Variants in ZNF880 observed in about 807,000 individuals in gnomAD.
The protein encoded by ZNF880 is zinc finger protein 880.
Under a neutral mutation model 11.8 loss-of-function variants are expected in ZNF880, and 12 were observed. The ratio of observed to expected loss-of-function variants is 1.02; its 90% confidence interval spans 0.65 to 1.65. The LOEUF is 1.65. ZNF880 is among the 40% of genes most tolerant of loss of function. The probability of loss-of-function intolerance (pLI) is 0.00; values close to 1 mark genes in which losing one functional copy is unlikely to be tolerated. For missense variants in ZNF880, 601 were observed against 673.9 expected (o/e 0.89, Z 1.20); for synonymous variants, 210 against 232.4 (o/e 0.90, Z 0.88).
Position 52,384,219 on chromosome 19 carries a change from A to G in ZNF880, c.639A>G (p.Lys213=). 2 of 1,612,472 alleles carry G rather than the reference A, an allele frequency of 1.2e-6. No homozygotes were observed. Among genetic ancestry groups the G allele is most frequent in the East Asian group, 4.5e-5 (2 of 44,864 alleles). ...QVIHTADNPY[K]CNECDKVFSN... The stretch of plus-strand genomic sequence containing the variant: ...TCCACACTGCAGATAACCCTTACAA[A>G]TGTAATGAATGTGACAAGGTCTTCA... The change falls in exon 4 of 4, where the codon AAA becomes AAG. Residue 213 remains lysine (K), a synonymous_variant. Coordinates refer to ENST00000422689, the MANE Select transcript of ZNF880 (RefSeq NM_001145434.2).
intron 3 of ZNF880, chr19:52,379,956 T>C (rs1986663477): frequency 6.6e-6 from 1 of 152,094 alleles, no homozygotes; most frequent in South Asian, 2.1e-4. Flanking sequence ...TAGAGTGTGG[T>C]ATACAATCTC....
intron 1 of ZNF880, chr19:52,370,266 G>C (rs1399378468): frequency 8.7e-6 from 4 of 458,718 alleles, no homozygotes; most frequent in African/African-American, 5.9e-5. Flanking sequence ...CCCGCGCTGC[G>C]TAAAGTTCTC....
chr19:52,385,311 A>G lies in ZNF880; in HGVS notation c.1731A>G (p.Arg577=). The change falls in exon 4 of 4, where the codon AGA becomes AGG. Residue 577 remains arginine, a synonymous_variant. Coordinates refer to ENST00000422689, the MANE Select transcript of ZNF880 (RefSeq NM_001145434.2). ...TCCATACTGGAGAGAAACCGTACAG[A>G]TGAAATGTGTGTGGTAAGATCTTTA... is the stretch of plus-strand genomic sequence containing the variant. ...HRIHTGEKPY[R] is the part of the protein sequence containing the mutation. 6.4e-7 allele frequency: 1 copy of G among 1,551,386 alleles called. No individual in the cohort carries two copies. Among genetic ancestry groups the G allele is most frequent in the Non-Finnish European group, 8.7e-7 (1 of 1,146,660 alleles).
At chr19:52,383,615 C>T (rs1986764882) in intron 3 of ZNF880, among the ~76,000 whole-genome samples, 1 of 152,146 alleles carries the variant, frequency 6.6e-6, no homozygotes. Flanking sequence ...TTGTATTTTT[C>T]TGCTCATAAT....
At chr19:52,381,555 A>T (rs2122395073) in intron 3 of ZNF880, among the ~76,000 whole-genome samples, 1 of 152,320 alleles carries the variant, frequency 6.6e-6, no homozygotes, top group Non-Finnish European at 1.5e-5. Flanking sequence ...TCAGGCCAAC[A>T]TTACATGAAA....
chr19:52,393,851 T>TTG, the ZNF880 span, among the ~76,000 whole-genome samples: 4 of 147,540 alleles, frequency 2.7e-5, no homozygotes, highest in African/African-American at 9.9e-5. Flanking sequence ...TTTTTTTTTT[T>TTG]TTTGAGACGG....
chr19:52,393,408 TTTC>T, the ZNF880 span, among the ~76,000 whole-genome samples: 178 of 123,622 alleles, frequency 1.4e-3, no homozygotes, highest in African/African-American at 4.6e-3. Flanking sequence ...ATTTTCTTTC[TTTC>T]TTTTTTTTTT....
chr19:52,384,306 TCATGAATGTGG>T lies in ZNF880; in HGVS notation c.729_739del (p.His243GlnfsTer26). The T allele has an allele frequency of 6.2e-7, 1 of 1,613,872 alleles. No individual in the cohort carries two copies. The highest frequency in any genetic ancestry group is 8.5e-7 in the Non-Finnish European group (1 of 1,179,880). On this transcript the variant is annotated frameshift_variant, in exon 4 of 4. Transcript: ENST00000422689. LOFTEE classifies it low-confidence loss of function (END_TRUNC). The stretch of plus-strand genomic sequence containing the variant: ...ATACTGGAGAGAAGCCTTACAAGTG[TCATGAATGTGG>T]CAAGCTCTTCAATCGAATTTCACTC...
intron 3 of ZNF880, chr19:52,379,900 TTTTTA>T (rs1568663045): frequency 7.5e-6 from 1 of 132,626 alleles, no homozygotes; most frequent in Non-Finnish European, 1.7e-5. Context: ...CTTATTTTTT[TTTTTA>T]TTATTATTTT....
the ZNF880 span, among the ~76,000 whole-genome samples, chr19:52,395,234 T>A: frequency 7.2e-5 from 11 of 152,182 alleles, no homozygotes; most frequent in Admixed American, 5.2e-4. Context: ...TTCTTTTTCC[T>A]TTATTTCACT....
upstream of ZNF880, among the ~76,000 whole-genome samples, chr19:52,368,695 A>G (rs1261547892): frequency 2.6e-5 from 4 of 152,072 alleles, no homozygotes; most frequent in East Asian, 3.9e-4. Flanking sequence ...TATTTTTTGT[A>G]TGTATATATA....
chr19:52,369,814 C>A, upstream of ZNF880: 1 of 858,858 alleles, frequency 1.2e-6, no homozygotes. Context: ...GTCTCCACGG[C>A]AGGTCTAGCC....
Position 52,385,081 on chromosome 19 carries a change from T to G in ZNF880, c.1501T>G (p.Phe501Val), listed in dbSNP as rs771336968. Residue 501 changes from phenylalanine (F) to valine (V), a missense_variant, in exon 4 of 4, where the codon TTT becomes GTT. Coordinates refer to ENST00000422689, the MANE Select transcript of ZNF880 (RefSeq NM_001145434.2). ...CAAATGCAGTGAATGTCACAAAGTC[T>G]TTAGTCACAATTCACACCTTGCACG... is the stretch of plus-strand genomic sequence containing the variant. ...PYKCSECHKV[F>V]SHNSHLARHR... 1 of 1,560,888 alleles carries G rather than the reference T, an allele frequency of 6.4e-7. No homozygotes were observed. Among genetic ancestry groups the G allele is most frequent in the East Asian group, 2.4e-5 (1 of 41,796 alleles).
At chr19:52,379,383 G>T in intron 3 of ZNF880, 2 of 431,912 alleles carry the variant, frequency 4.6e-6, no homozygotes, top group Admixed American at 2.7e-5. Context: ...GTATAAATTG[G>T]GAATTTATTT....
Position 52,384,690 on chromosome 19 carries a change from T to G in ZNF880, c.1110T>G (p.His370Gln). 6.2e-7 allele frequency: 1 copy of G among 1,613,110 alleles called. No homozygotes were observed. Residue 370 changes from histidine (H) to glutamine (Q), a missense_variant, in exon 4 of 4, where the codon CAT becomes CAG. This residue lies in a region of ZNF880 where 420 missense variants were observed against 442.6 expected (regional missense o/e 0.95). Transcript: ENST00000422689. ...ATCGAAATGCACACCTTACCAGACATCAAAGAATCCATACTGGAGAGAAAC... is the reference window on the plus strand; with the variant it reads ...ATCGAAATGCACACCTTACCAGACAGCAAAGAATCCATACTGGAGAGAAAC... ...VFNRNAHLTRHQRIHTGEKPY... is the reference protein window; with the variant it reads ...VFNRNAHLTRQQRIHTGEKPY...
upstream of ZNF880, chr19:52,369,905 C>T (rs1600244724): frequency 3.2e-6 from 5 of 1,550,984 alleles, no homozygotes; most frequent in East Asian, 7.3e-5. Context: ...CCTCGCCTCG[C>T]CTCTCAGCTG....
intron 3 of ZNF880, among the ~76,000 whole-genome samples, chr19:52,383,477 T>C (rs7247964): frequency 0.011 from 1,699 of 152,306 alleles, 37 homozygotes; most frequent in African/African-American, 0.039. Flanking sequence ...AGCCACTCCT[T>C]TTCTGGGGAT....
intron 3 of ZNF880, chr19:52,379,450 C>T (rs1986647254): frequency 2.3e-6 from 1 of 440,320 alleles, no homozygotes; most frequent in South Asian, 1.6e-5. Context: ...GGCTGGAGTG[C>T]AATGCCGCGA....
rs115390267 is a variant in ZNF880, at chr19:52,376,442, G to T, written c.268+2015G>T. Among the ~76,000 whole-genome samples the T allele has an allele frequency of 2.2e-4, 31 of 141,540 alleles. No homozygotes were observed. In the East Asian group the frequency reaches 3.7e-3, roughly 17 times the overall value. The allele number at this position is 141,540 out of a possible 152,430, so 92.9% of individuals were successfully genotyped here. A position where few individuals can be genotyped will look rare whatever the true frequency, so the allele number is the denominator to read the frequency against. ...ATGTGGAGTCTTTCTTCATATGTTT[G>T]TTGGCCATTTCTGTATTTTCTTTTG... On this transcript the variant is annotated intron_variant, in intron 3 of 3. Transcript: ENST00000422689.
Sources: allele counts gnomAD v4.1 joint callset (sites outside exome capture counted in the v4.1 genomes callset), GRCh38; gene constraint gnomAD v4.1.1; regional missense constraint gnomAD v4.1.1; transcripts MANE v1.5; gene names NCBI Gene and HGNC (gene_info 2026-07-23, HGNC 2026-07-21).